The following SPATA13 variants were observed in gnomAD, a reference collection of about 807,000 sequenced individuals.
SPATA13 encodes the protein spermatogenesis associated 13.
Under a neutral mutation model 104.0 loss-of-function variants are expected in SPATA13, and 50 were observed. The ratio of observed to expected loss-of-function variants is 0.48; its 90% CI spans 0.38 to 0.61. The LOEUF is 0.61. Among genes scored for constraint, SPATA13 ranks in the 20% least tolerant of loss-of-function variants. SPATA13 has a pLI of 0.00. For synonymous variants in SPATA13, 606 were observed against 667.5 expected (o/e 0.91, Z 1.42); for missense variants, 1,524 against 1,690.6 (o/e 0.90, Z 1.73).
Position 24,251,721 on chromosome 13 carries a change from G to A in SPATA13, c.2023G>A (p.Ala675Thr). 1 of 1,613,136 alleles carries A rather than the reference G, an allele frequency of 6.2e-7. No individual in the cohort carries two copies. The highest frequency in any genetic ancestry group is 8.5e-7 in the Non-Finnish European group (1 of 1,179,524). The change falls in exon 4 of 13, where the codon GCT becomes ACT. Residue 675 changes from alanine (A) to threonine (T), a missense_variant. Physicochemically the swap from Ala to Thr is moderately conservative, Grantham distance 58. Around this residue, in one of 2 missense-constraint regions of SPATA13, gnomAD observed 1,089 missense variants for 1,135.9 expected, o/e 0.96. Transcript: ENST00000382108. Reference sequence around the variant, plus strand: ...AGATTTTGCTTTCTTTTTGCAGCCGGCTTCCAGGCCGCCCATGCCTGCTCA... The same window carrying A: ...AGATTTTGCTTTCTTTTTGCAGCCGACTTCCAGGCCGCCCATGCCTGCTCA... Reference protein sequence around the residue: ...EELDNLLTQPASRPPMPAHQV... With the variant: ...EELDNLLTQPTSRPPMPAHQV...
At chr13:24,028,319 C>T (rs1877327509) in intron 3 of SPATA13, among the ~76,000 whole-genome samples, 1 of 152,216 alleles carries the variant, frequency 6.6e-6, no homozygotes, top group African/African-American at 2.4e-5. Context: ...TGGTATACTG[C>T]TCCCAACTTA....
intron 2 of SPATA13, among the ~76,000 whole-genome samples, chr13:23,992,896 CA>C (rs1241420275): frequency 6.6e-6 from 1 of 152,216 alleles, no homozygotes; most frequent in Non-Finnish European, 1.5e-5. Flanking sequence ...CAGTGCCTGG[CA>C]CGGCAAGAGC....
intron 3 of SPATA13, among the ~76,000 whole-genome samples, chr13:24,054,162 C>T (rs889272875): frequency 2.0e-5 from 3 of 152,116 alleles, no homozygotes; most frequent in Admixed American, 1.3e-4. Context: ...TGAGAGATCC[C>T]TCGTCTGCCA....
upstream of SPATA13, among the ~76,000 whole-genome samples, chr13:24,160,116 C>A (rs1344265822): frequency 6.6e-6 from 1 of 152,218 alleles, no homozygotes; most frequent in East Asian, 1.9e-4. Context: ...CCCTACCCTG[C>A]GTTTTCCTTT....
intron 4 of SPATA13, among the ~76,000 whole-genome samples, chr13:24,277,296 T>A (rs1875067384): frequency 6.6e-6 from 1 of 151,770 alleles, no homozygotes. Context: ...TACAAAAAAT[T>A]AGCTGGGTGT....
chr13:24,269,841 G>C (rs188582710), intron 4 of SPATA13, among the ~76,000 whole-genome samples: 171 of 141,570 alleles, frequency 1.2e-3, no homozygotes, highest in African/African-American at 3.4e-3. Context: ...CTCCCACCTT[G>C]GCCTCCCAAA....
In SPATA13 at chr13:24,088,002, G is replaced by T. The variant is rs2137787112; in HGVS notation, c.-112+70301G>T. Reference sequence around the variant, plus strand: ...CATCTCCTCCAGCTGCCTTTGTCCAGCTGTATTTAGTAACAATTTTATAAT... The same window carrying T: ...CATCTCCTCCAGCTGCCTTTGTCCATCTGTATTTAGTAACAATTTTATAAT... On this transcript the variant is annotated intron_variant, in intron 3 of 14. Transcript: ENST00000424834. The surrounding 1 kb of genome is among the most constrained non-coding windows in gnomAD (Gnocchi z 4.3). 6.6e-6 allele frequency among the ~76,000 whole-genome samples: 1 copy of T among 152,342 alleles called. No homozygotes were observed. The highest frequency in any genetic ancestry group is 3.4e-3 in the Middle Eastern group (1 of 294).
chr13:24,200,482 C>T (rs1448479065), intron 1 of SPATA13, among the ~76,000 whole-genome samples: 1 of 151,740 alleles, frequency 6.6e-6, no homozygotes, highest in African/African-American at 2.4e-5. Flanking sequence ...TACCATTTTC[C>T]TTGAATGTCC....
At chr13:24,038,848 G>A (rs977155071) in intron 3 of SPATA13, among the ~76,000 whole-genome samples, 1 of 152,188 alleles carries the variant, frequency 6.6e-6, no homozygotes, top group African/African-American at 2.4e-5. Flanking sequence ...GAATCCTGGG[G>A]ACTCTTAGGA....
rs77570374 is a variant in SPATA13 at position 24,145,047 on chromosome 13, T to C, written c.-111-77772T>C. ...AGGAAAGGGACATTGTGAATATAGT[T>C]AGAATGAGCTGGTACACTATTTCTG... On this transcript the variant is annotated intron_variant, in intron 3 of 14. Coordinates refer to the SPATA13 transcript ENST00000424834. Among the ~76,000 whole-genome samples, 137 of 152,254 alleles carry C rather than the reference T, an allele frequency of 9.0e-4. 1 individual carries two copies. In the East Asian group the frequency reaches 0.025, roughly 28 times the overall value.
At chr13:24,153,422 T>C (rs755704149) in intron 3 of SPATA13, among the ~76,000 whole-genome samples, 1 of 152,146 alleles carries the variant, frequency 6.6e-6, no homozygotes, top group Non-Finnish European at 1.5e-5. Flanking sequence ...TCTTGTCAGG[T>C]AGACAAGGAA....
intron 3 of SPATA13, among the ~76,000 whole-genome samples, chr13:24,065,937 G>T (rs1417078339): frequency 6.6e-6 from 1 of 152,220 alleles, no homozygotes; most frequent in African/African-American, 2.4e-5. Flanking sequence ...AGTAATCTGA[G>T]CTACATGTTG....
At chr13:24,098,020 A>G (rs996902149) in intron 3 of SPATA13, among the ~76,000 whole-genome samples, 8 of 152,204 alleles carry the variant, frequency 5.3e-5, no homozygotes, top group African/African-American at 1.9e-4. Flanking sequence ...CATCCTCCTC[A>G]CAGTGCAGGA....
In SPATA13 at chr13:24,223,529, C is replaced by G. The variant is rs1292229105; in HGVS notation, c.600C>G (p.Ser200=). The part of the protein sequence containing the change: ...DDAFQRSTHR[S]RSLRRAYGLG... ...CCTTCCAGCGGAGCACACACCGCTCCCGCAGCCTCCGCAGAGCCTACGGCC... is the reference window on the plus strand; with the variant it reads ...CCTTCCAGCGGAGCACACACCGCTCGCGCAGCCTCCGCAGAGCCTACGGCC... The change falls in exon 2 of 13, where the codon TCC becomes TCG. Residue 200 remains serine (S), a synonymous_variant. Transcript: ENST00000382108. The G allele has an allele frequency of 6.5e-7, 1 of 1,548,430 alleles. No homozygotes were observed. The highest frequency in any genetic ancestry group is 8.7e-7 in the Non-Finnish European group (1 of 1,146,996).
intron 4 of SPATA13, among the ~76,000 whole-genome samples, chr13:24,276,303 C>T (rs1874978719): frequency 6.6e-6 from 1 of 152,070 alleles, no homozygotes; most frequent in Admixed American, 6.5e-5. Flanking sequence ...GCTAACCAAA[C>T]AATGGAATAT....
chr13:24,215,616 C>T (rs914936672), intron 1 of SPATA13, among the ~76,000 whole-genome samples: 2 of 152,144 alleles, frequency 1.3e-5, no homozygotes, highest in East Asian at 3.9e-4. Flanking sequence ...TAAAATGCAA[C>T]ACACATATAT....
rs966369987 is a variant in SPATA13 at position 24,286,350 on chromosome 13, G to T, written c.2438G>T (p.Arg813Leu). 16 of 1,612,936 alleles carry T rather than the reference G, an allele frequency of 9.9e-6. No homozygotes were observed. The highest frequency in any genetic ancestry group is 1.3e-5 in the African/African-American group (1 of 74,884). The stretch of plus-strand genomic sequence containing the variant: ...TCCAACAAGGACTGGTGGTGGGGCC[G>T]CAGTGAAGATAAGGAAGCCTGGTTC... ...EASNKDWWWG[R>L]SEDKEAWFPA... is the part of the protein sequence containing the mutation. Residue 813 changes from arginine (R) to leucine (L), a missense_variant, in exon 6 of 13, where the codon CGC (arginine) becomes CTC (leucine). By Grantham distance (102) the Arg-to-Leu change is moderately radical. Around this residue, in one of 2 missense-constraint regions of SPATA13, gnomAD observed 1,089 missense variants for 1,135.9 expected, o/e 0.96. Transcript: ENST00000382108. The surrounding 1 kb of genome is among the most constrained non-coding windows in gnomAD (Gnocchi z 4.9).
rs78627884 is a variant in SPATA13, at chr13:24,233,178, A to G, written c.1653+8596A>G. Among the ~76,000 whole-genome samples, 719 of 152,338 alleles carry G rather than the reference A, an allele frequency of 4.7e-3. 42 individuals carry two copies. The East Asian group carries it at 0.11, about 24-fold the overall frequency. ...GGTTCTCATTCATTTTTTTTCTGAC[A>G]AAAACATTACAGAATTTGAATCACA... is the stretch of plus-strand genomic sequence containing the variant. On this transcript the variant is annotated intron_variant, in intron 2 of 12. Coordinates refer to ENST00000382108, the MANE Select transcript of SPATA13 (RefSeq NM_001166271.3).
intron 3 of SPATA13, among the ~76,000 whole-genome samples, chr13:24,150,858 G>A (rs1882080158): frequency 6.6e-6 from 1 of 152,148 alleles, no homozygotes; most frequent in Non-Finnish European, 1.5e-5. Flanking sequence ...TTAGCTGTTA[G>A]TATCACCTAA....
Sources: gnomAD v4.1 joint callset for allele counts (sites outside exome capture counted in the v4.1 genomes callset) on GRCh38, gnomAD v4.1.1 for gene constraint, gnomAD v4.1.1 regional missense constraint, Gnocchi (gnomAD v3.1) non-coding constraint, MANE v1.5 for transcripts, NCBI Gene and HGNC (gene_info 2026-07-23, HGNC 2026-07-21) for gene names.